Variants in JOSD1 observed in about 807,000 individuals in gnomAD.
JOSD1 encodes the protein Josephin domain containing 1, also known as josephin-1.
In JOSD1, 11 loss-of-function variants were observed where a neutral mutation model predicts 24.3. The observed-to-expected ratio is 0.45, with a 90% confidence interval of 0.29 to 0.75. JOSD1 has a LOEUF of 0.75. JOSD1 is among the 30% of genes least tolerant of loss of function. The pLI, the probability that JOSD1 is intolerant of heterozygous loss-of-function variation, is 0.11. For missense variants in JOSD1, 184 were observed against 253.5 expected, an observed-to-expected ratio of 0.73 and a Z score of 1.86; for synonymous variants, 106 against 93.8, an observed-to-expected ratio of 1.13 and a Z score of -0.75.
intron 2 of JOSD1, among the ~76,000 whole-genome samples, chr22:38,695,170 G>C (rs2092539770): frequency 6.6e-6 from 1 of 152,162 alleles, no homozygotes; most frequent in African/African-American, 2.4e-5. Context: ...TAATCCGTAG[G>C]TGTTAGCTAT....
At chr22:38,696,279 C>T (rs1002028446) in intron 2 of JOSD1, among the ~76,000 whole-genome samples, 10 of 151,940 alleles carry the variant, frequency 6.6e-5, no homozygotes, top group Admixed American at 5.9e-4. Flanking sequence ...ACTCTGTTGC[C>T]CACACTACAG....
chr22:38,687,740 C>T lies in JOSD1; in HGVS notation c.*162G>A. The T allele has an allele frequency of 1.6e-6, 1 of 612,612 alleles. No individual in the cohort carries two copies. Among genetic ancestry groups the T allele is most frequent in the South Asian group, 2.0e-5 (1 of 49,524 alleles). 37.9% of individuals were successfully genotyped at this position (612,612 alleles called of 1,614,324 possible). On this transcript the variant is annotated 3_prime_UTR_variant, in exon 5 of 5. Coordinates refer to ENST00000683374, the MANE Select transcript of JOSD1 (RefSeq NM_001360236.2). ...CCCAGGAACAAAACACTGAGTAGTT[C>T]TTATAACAGTCCACACGTCTGTCCT...
At chr22:38,698,327 T>C (rs1440363697) in intron 2 of JOSD1, among the ~76,000 whole-genome samples, 1 of 152,198 alleles carries the variant, frequency 6.6e-6, no homozygotes, top group East Asian at 1.9e-4. Context: ...ATTACTCTGG[T>C]TACTACTGGC....
intron 2 of JOSD1, among the ~76,000 whole-genome samples, chr22:38,695,603 T>C (rs2092542533): frequency 6.6e-6 from 1 of 151,988 alleles, no homozygotes; most frequent in South Asian, 2.1e-4. Flanking sequence ...CGAGCCCCCA[T>C]GCCTAGCTAA....
rs1178277219 is a variant in JOSD1, at chr22:38,694,793, C to T, written c.185+5010G>A. ...AGGAGAATGGCCTGAACCTGGGAGG[C>T]GGAGCTTGCAGTGAGCCGAGATCAT... On this transcript the variant is annotated intron_variant, in intron 2 of 4. Coordinates refer to ENST00000683374, the MANE Select transcript of JOSD1 (RefSeq NM_001360236.2). Among the ~76,000 whole-genome samples, 9 of 141,742 alleles carry T rather than the reference C, an allele frequency of 6.3e-5. 1 individual carries two copies. In the East Asian group the frequency reaches 1.1e-3, roughly 17 times the overall value. The allele number at this position is 141,742 out of a possible 152,430, so 93.0% of individuals were successfully genotyped here. A position where few individuals can be genotyped will look rare whatever the true frequency, so the allele number is the denominator to read the frequency against.
In JOSD1 at chr22:38,685,574, TTTTTC is replaced by T. The variant is rs1360369759; in HGVS notation, c.*2323_*2327del. ...TAAAACAGCGTCATACTAAAGTTTA[TTTTTC>T]TTTACACAATTATAGAATTCAGGCA... On this transcript the variant is annotated 3_prime_UTR_variant, in exon 5 of 5. Coordinates refer to ENST00000683374, the MANE Select transcript of JOSD1 (RefSeq NM_001360236.2). 6.6e-6 allele frequency: 1 copy of T among 152,340 alleles called. No homozygotes were observed. Among genetic ancestry groups the T allele is most frequent in the Non-Finnish European group, 1.5e-5 (1 of 68,054 alleles). 9.4% of individuals were successfully genotyped at this position (152,340 alleles called of 1,614,324 possible). A position where few individuals can be genotyped will look rare whatever the true frequency, so the allele number is the denominator to read the frequency against.
In JOSD1 at chr22:38,700,620, T is replaced by C. The variant is rs1024392191; in HGVS notation, c.-631-2A>G. 9.1e-6 allele frequency: 9 copies of C among 984,858 alleles called. No individual in the cohort carries two copies. Among genetic ancestry groups the C allele is most frequent in the Non-Finnish European group, 1.1e-5 (9 of 829,556 alleles). 61.0% of individuals were successfully genotyped at this position (984,858 alleles called of 1,614,324 possible). A position where few individuals can be genotyped will look rare whatever the true frequency, so the allele number is the denominator to read the frequency against. On this transcript the variant is annotated splice_acceptor_variant, in intron 1 of 4. Transcript: ENST00000683374. LOFTEE classifies it low-confidence loss of function (5UTR_SPLICE). Reference sequence around the variant, plus strand: ...GATTCTAGCCCTCTGGCCGCGGCCCTGCGGAGGAGGAGACAACTCCGGTCA... The same window carrying C: ...GATTCTAGCCCTCTGGCCGCGGCCCCGCGGAGGAGGAGACAACTCCGGTCA...
chr22:38,686,593 T>C lies in JOSD1; in HGVS notation c.*1309A>G, dbSNP rs2092499008. 1 of 152,210 alleles carries C rather than the reference T, an allele frequency of 6.6e-6. No individual in the cohort carries two copies. The highest frequency in any genetic ancestry group is 1.9e-4 in the East Asian group (1 of 5,200). 9.4% of individuals were successfully genotyped at this position (152,210 alleles called of 1,614,324 possible). ...AGGTAGGGGCGGGTTGAACTTCCAT[T>C]GATACAGAGAGGAAACGACATGAAG... is the stretch of plus-strand genomic sequence containing the variant. On this transcript the variant is annotated 3_prime_UTR_variant, in exon 5 of 5. Coordinates refer to ENST00000683374, the MANE Select transcript of JOSD1 (RefSeq NM_001360236.2).
intron 4 of JOSD1, 54 bp downstream of exon 4, chr22:38,688,881 C>T (rs909387215): frequency 2.0e-6 from 3 of 1,510,570 alleles, no homozygotes; most frequent in Non-Finnish European, 2.7e-6. Context: ...CTCAGTGTCC[C>T]CAACCTAAGA....
chr22:38,694,166 G>A (rs1391416613), intron 2 of JOSD1, among the ~76,000 whole-genome samples: 1 of 152,176 alleles, frequency 6.6e-6, no homozygotes, highest in Non-Finnish European at 1.5e-5. Context: ...CACCACACCA[G>A]CACTTGCTTG....
At chr22:38,695,948 C>G (rs2092544196) in intron 2 of JOSD1, among the ~76,000 whole-genome samples, 2 of 152,078 alleles carry the variant, frequency 1.3e-5, no homozygotes, top group African/African-American at 2.4e-5. Flanking sequence ...CTCAGCTACT[C>G]AGGAGGCTGA....
upstream of JOSD1, chr22:38,701,150 G>T (rs774419108): frequency 3.9e-5 from 9 of 233,686 alleles, no homozygotes; most frequent in Non-Finnish European, 5.6e-5. Flanking sequence ...TGCAAAGGCC[G>T]TGGGTGTGGG....
In JOSD1 at chr22:38,699,917, G is replaced by A. The variant is rs762796347; in HGVS notation, c.71C>T (p.Pro24Leu). The A allele has an allele frequency of 5.6e-6, 9 of 1,614,132 alleles. No individual in the cohort carries two copies. In the South Asian group the frequency reaches 8.8e-5, roughly 16 times the overall value. ...GCGCTGTTTCTCATGGTAGATTTGT[G>A]GGGGTGCTGCCTGGGGCAGCTCCAA... is the stretch of plus-strand genomic sequence containing the variant. Reference protein sequence around the residue: ...ESLELPQAAPPQIYHEKQRRE... With the variant: ...ESLELPQAAPLQIYHEKQRRE... Residue 24 changes from proline to leucine, a missense_variant, in exon 2 of 5, where the codon CCA becomes CTA. Physicochemically the swap from Pro to Leu is moderately conservative, Grantham distance 98. Coordinates refer to ENST00000683374, the MANE Select transcript of JOSD1 (RefSeq NM_001360236.2).
At chr22:38,694,810 C>T (rs933763313) in intron 2 of JOSD1, among the ~76,000 whole-genome samples, 3 of 143,826 alleles carry the variant, frequency 2.1e-5, no homozygotes, top group South Asian at 2.2e-4. Flanking sequence ...TGCAGTGAGC[C>T]GAGATCATGC....
intron 2 of JOSD1, among the ~76,000 whole-genome samples, chr22:38,692,284 A>G (rs1216806696): frequency 4.6e-5 from 7 of 152,178 alleles, no homozygotes; most frequent in Non-Finnish European, 8.8e-5. Context: ...AGCACTTGCA[A>G]GTGACAGAAC....
chr22:38,700,833 G>A lies in JOSD1; in HGVS notation c.-665C>T, dbSNP rs1200611817. ...CCGTCACGTGAGCGCAGGCCCAGAC[G>A]CCCTCCCGCCGCGCCCCCGGCCGCA... On this transcript the variant is annotated 5_prime_UTR_variant, in exon 1 of 5. Coordinates refer to ENST00000683374, the MANE Select transcript of JOSD1 (RefSeq NM_001360236.2). 3.0e-6 allele frequency: 3 copies of A among 984,370 alleles called. No individual in the cohort carries two copies. Among genetic ancestry groups the A allele is most frequent in the Admixed American group, 6.2e-5 (1 of 16,172 alleles). The allele number at this position is 984,370 out of a possible 1,614,324, so 61.0% of individuals were successfully genotyped here. A position where few individuals can be genotyped will look rare whatever the true frequency, so the allele number is the denominator to read the frequency against.
intron 2 of JOSD1, among the ~76,000 whole-genome samples, chr22:38,695,532 C>T (rs1354515351): frequency 6.6e-6 from 1 of 151,020 alleles, no homozygotes; most frequent in East Asian, 2.0e-4. Context: ...ACTGCAGCCT[C>T]GACCTCCTGG....
At position 38,689,149 on chromosome 22, in the gene JOSD1, G is replaced by A. The variant is rs1179904204; in HGVS notation, c.315-20C>T. 6.2e-7 allele frequency: 1 copy of A among 1,608,048 alleles called. No individual in the cohort carries two copies. The highest frequency in any genetic ancestry group is 8.5e-7 in the Non-Finnish European group (1 of 1,175,436). On this transcript the variant is annotated intron_variant, in intron 3 of 4. Coordinates refer to ENST00000683374, the MANE Select transcript of JOSD1 (RefSeq NM_001360236.2). ...ACATCCCTGCAGGGGAGAAATGGTG[G>A]CAGGCTCTGATGCAGCCCATTTTCC...
At chr22:38,698,211 T>A (rs2092553304) in intron 2 of JOSD1, among the ~76,000 whole-genome samples, 1 of 152,244 alleles carries the variant, frequency 6.6e-6, no homozygotes, top group African/African-American at 2.4e-5. Flanking sequence ...CCTGATGATC[T>A]GAGACGAATT....
Sources: gnomAD v4.1 joint callset for allele counts (sites outside exome capture counted in the v4.1 genomes callset) on GRCh38, gnomAD v4.1.1 for gene constraint, MANE v1.5 for transcripts, NCBI Gene and HGNC (gene_info 2026-07-23, HGNC 2026-07-21) for gene names.